The following CFAP97D2 variants were observed in gnomAD, a reference collection of about 807,000 sequenced individuals.
The protein encoded by CFAP97D2 is uncharacterized protein CFAP97D2.
chr13:114,192,091 G>A (rs2080871653), intron 1 of CFAP97D2, among the ~76,000 whole-genome samples: 1 of 152,114 alleles, frequency 6.6e-6, no homozygotes, highest in African/African-American at 2.4e-5. Context: ...GGAAGGAAGA[G>A]CTGGAGCACA....
chr13:114,215,566 T>C (rs1402362146), intron 4 of CFAP97D2: 1 of 152,238 alleles, frequency 6.6e-6, no homozygotes, highest in Non-Finnish European at 1.5e-5. Context: ...AATATGGAAC[T>C]TAATAACTAT....
At chr13:114,219,252 T>C (rs1452094267) in intron 4 of CFAP97D2, among the ~76,000 whole-genome samples, 1 of 152,236 alleles carries the variant, frequency 6.6e-6, no homozygotes, top group East Asian at 1.9e-4. Context: ...TAATTTTGCA[T>C]TTTAACCTAG....
intron 4 of CFAP97D2, among the ~76,000 whole-genome samples, chr13:114,218,820 C>A (rs2081007166): frequency 6.6e-6 from 1 of 152,144 alleles, no homozygotes. Context: ...AACTGGCTAG[C>A]CACATGTAGA....
intron 4 of CFAP97D2, among the ~76,000 whole-genome samples, chr13:114,212,895 A>G (rs1476069675): frequency 6.6e-6 from 1 of 152,148 alleles, no homozygotes; most frequent in East Asian, 1.9e-4. Flanking sequence ...AAAAAAGAAA[A>G]AAAGAAATCA....
At chr13:114,216,404 T>A (rs2080993333) in intron 4 of CFAP97D2, among the ~76,000 whole-genome samples, 1 of 152,216 alleles carries the variant, frequency 6.6e-6, no homozygotes, top group Admixed American at 6.5e-5. Flanking sequence ...ACTTGTCATC[T>A]ACGTTAGGTA....
chr13:114,192,232 G>A (rs1407802863), intron 1 of CFAP97D2, among the ~76,000 whole-genome samples: 1 of 152,120 alleles, frequency 6.6e-6, no homozygotes, highest in Non-Finnish European at 1.5e-5. Flanking sequence ...TGGGTTTTAG[G>A]TAATTATGAT....
At chr13:114,190,271 C>T (rs9525298) in intron 1 of CFAP97D2, among the ~76,000 whole-genome samples, 11,970 of 152,102 alleles carry the variant, frequency 0.079, 668 homozygotes, top group Non-Finnish European at 0.12. Context: ...TCTTAAACAT[C>T]GTAACATTGT....
chr13:114,182,634 T>G (rs1347222227), intron 1 of CFAP97D2, among the ~76,000 whole-genome samples: 1 of 152,216 alleles, frequency 6.6e-6, no homozygotes, highest in Non-Finnish European at 1.5e-5. Flanking sequence ...GTGCCCCTGG[T>G]TTATTGAGAC....
intron 4 of CFAP97D2, among the ~76,000 whole-genome samples, chr13:114,213,245 T>C (rs1246287013): frequency 6.6e-6 from 1 of 152,076 alleles, no homozygotes; most frequent in East Asian, 1.9e-4. Context: ...AAAGATTAAA[T>C]AAATGCTCCA....
In CFAP97D2 at chr13:114,203,567, T is replaced by C. The variant is rs1001464707; in HGVS notation, c.290+3124T>C. Among the ~76,000 whole-genome samples the C allele has an allele frequency of 1.3e-5, 2 of 152,172 alleles. No individual in the cohort carries two copies. The highest frequency in any genetic ancestry group is 2.4e-5 in the African/African-American group (1 of 41,512). ...AGGAAAATCTAGGCACACGAACACA[T>C]TGAAGGGTGAGTAGAGCAGGATTTT... On this transcript the variant is annotated intron_variant, in intron 3 of 4. Coordinates refer to ENST00000646158, the Ensembl canonical transcript of CFAP97D2. This position sits in a 1 kb window ranked among gnomAD's most constrained non-coding sequence, Gnocchi z 4.3.
At chr13:114,217,080 A>G (rs1349189639) in intron 4 of CFAP97D2, among the ~76,000 whole-genome samples, 1 of 152,186 alleles carries the variant, frequency 6.6e-6, no homozygotes, top group East Asian at 1.9e-4. Flanking sequence ...TTGGCTGCAT[A>G]AATGTCTTCT....
At chr13:114,210,717 G>A (rs2080962903) in intron 3 of CFAP97D2, among the ~76,000 whole-genome samples, 1 of 152,036 alleles carries the variant, frequency 6.6e-6, no homozygotes, top group East Asian at 1.9e-4. Flanking sequence ...CTACCAGATG[G>A]TTCCACCCAA....
At chr13:114,210,607 GT>G (rs1566616010) in intron 3 of CFAP97D2, among the ~76,000 whole-genome samples, 37 of 152,058 alleles carry the variant, frequency 2.4e-4, no homozygotes, top group African/African-American at 8.7e-4. Flanking sequence ...CTCCCTGCCT[GT>G]CTGTCCTCCA....
intron 4 of CFAP97D2, among the ~76,000 whole-genome samples, chr13:114,213,348 T>C (rs2080977126): frequency 1.6e-5 from 2 of 128,884 alleles, no homozygotes; most frequent in Admixed American, 8.6e-5. Context: ...CTGTGGAAGC[T>C]CCAAGACCAT....
intron 3 of CFAP97D2, among the ~76,000 whole-genome samples, chr13:114,210,392 C>A (rs1375480746): frequency 6.6e-6 from 1 of 152,160 alleles, no homozygotes; most frequent in African/African-American, 2.4e-5. Flanking sequence ...AGTGACTTTG[C>A]TGATTTTGAC....
Position 114,207,371 on chromosome 13 carries a change from A to G in CFAP97D2, c.291-4541A>G, listed in dbSNP as rs1189103112. Among the ~76,000 whole-genome samples the G allele has an allele frequency of 6.6e-6, 1 of 152,106 alleles. No individual in the cohort carries two copies. The highest frequency in any genetic ancestry group is 1.5e-5 in the Non-Finnish European group (1 of 68,006). On this transcript the variant is annotated intron_variant, in intron 3 of 4. Coordinates refer to ENST00000646158, the Ensembl canonical transcript of CFAP97D2. The surrounding 1 kb of genome is among the most constrained non-coding windows in gnomAD (Gnocchi z 4.9). ...TAATATAGAATGAAGTAATTATACAACTCAACATCATGTAGAATCAGTGGG... is the reference window on the plus strand; with the variant it reads ...TAATATAGAATGAAGTAATTATACAGCTCAACATCATGTAGAATCAGTGGG...
intron 3 of CFAP97D2, among the ~76,000 whole-genome samples, chr13:114,202,635 T>C (rs75509515): frequency 0.012 from 1,752 of 152,334 alleles, 95 homozygotes; most frequent in Admixed American, 0.079. Context: ...AAGGGCCTTC[T>C]TCCTGGAAGG....
intron 4 of CFAP97D2, among the ~76,000 whole-genome samples, chr13:114,216,463 C>A (rs962232654): frequency 5.3e-5 from 8 of 152,018 alleles, no homozygotes; most frequent in African/African-American, 1.7e-4. Flanking sequence ...ACGACAGGCC[C>A]CGGTGTGTGA....
At position 114,218,283 on chromosome 13, in the gene CFAP97D2, C is replaced by T. The variant is rs182306959; in HGVS notation, c.481-4215C>T. Among the ~76,000 whole-genome samples, 804 of 152,274 alleles carry T rather than the reference C, an allele frequency of 5.3e-3. 11 individuals carry two copies. Among genetic ancestry groups the T allele is most frequent in the African/African-American group, 0.018 (767 of 41,550 alleles). ...AGTGAACTCCCATTCACAATTGCTT[C>T]AAAGAGAATAAAATACCTAGGAATC... is the stretch of plus-strand genomic sequence containing the variant. On this transcript the variant is annotated intron_variant, in intron 4 of 4. Coordinates refer to ENST00000646158, the Ensembl canonical transcript of CFAP97D2.
Sources: allele counts gnomAD v4.1 joint callset (sites outside exome capture counted in the v4.1 genomes callset), GRCh38; gene constraint gnomAD v4.1.1; non-coding constraint Gnocchi (gnomAD v3.1); transcripts MANE v1.5; gene names NCBI Gene and HGNC (gene_info 2026-07-23, HGNC 2026-07-21).